The following SOX13 variants were observed in gnomAD, a reference collection of about 807,000 sequenced individuals.
SOX13 encodes transcription factor SOX-13.
In SOX13, 28 loss-of-function variants were observed where a neutral mutation model predicts 71.8. That is an observed-to-expected ratio of 0.39 (90% CI 0.29 to 0.53). The LOEUF (loss-of-function observed/expected upper bound fraction) is 0.53. Ranked by LOEUF, SOX13 falls within the 20% of genes least tolerant of loss-of-function variation. The pLI, the probability that SOX13 is intolerant of heterozygous loss-of-function variation, is 0.70. For missense variants in SOX13, 627 were observed against 810.3 expected (o/e 0.77, Z 2.75); for synonymous variants, 309 against 317.8 (o/e 0.97, Z 0.29).
At chr1:204,114,668 A>T (rs1571588641) in intron 4 of SOX13, 63 bp downstream of exon 4, 1 of 1,303,182 alleles carries the variant, frequency 7.7e-7, no homozygotes, top group East Asian at 2.3e-5. Flanking sequence ...TGGTCTGGCC[A>T]CGCAGCCTGG....
At chr1:204,074,009 G>C (rs896859677) in intron 1 of SOX13, 3 of 151,802 alleles carry the variant, frequency 2.0e-5, no homozygotes, top group African/African-American at 7.3e-5. Context: ...GTACGCGCGC[G>C]CGCGCGCGCG....
intron 1 of SOX13, among the ~76,000 whole-genome samples, chr1:204,095,203 G>A (rs1478004188): frequency 3.3e-5 from 5 of 152,176 alleles, no homozygotes; most frequent in African/African-American, 1.2e-4. Flanking sequence ...CCTTGAAACC[G>A]CCAACTCTAA....
intron 1 of SOX13, among the ~76,000 whole-genome samples, chr1:204,094,709 C>T (rs1277368153): frequency 6.6e-6 from 1 of 152,172 alleles, no homozygotes; most frequent in East Asian, 1.9e-4. Context: ...TTAATCACAC[C>T]GTGGAGCACG....
chr1:204,094,841 G>A (rs1418601677), intron 1 of SOX13, among the ~76,000 whole-genome samples: 2 of 152,218 alleles, frequency 1.3e-5, no homozygotes, highest in Non-Finnish European at 2.9e-5. Flanking sequence ...CTTAGGGCTA[G>A]TGGGATTTTG....
intron 12 of SOX13, 21 bp from the exon 13 acceptor site, chr1:204,124,620 G>T (rs1388628055): frequency 6.3e-7 from 1 of 1,592,358 alleles, no homozygotes; most frequent in Non-Finnish European, 8.5e-7. Context: ...CTGACTGCCT[G>T]CCCCTGGGGG....
In SOX13 at chr1:204,104,483, G is replaced by A. The variant is rs372189959; in HGVS notation, c.-1-8432G>A. Among the ~76,000 whole-genome samples the A allele has an allele frequency of 1.6e-4, 25 of 152,350 alleles. No homozygotes were observed. The East Asian group carries it at 2.9e-3, about 18-fold the overall frequency. ...GAGAAGAATGGCAGGATGTGGCACC[G>A]GGGCACTGTTCTGGGCACCCACGCC... On this transcript the variant is annotated intron_variant, in intron 1 of 13. Coordinates refer to ENST00000367204, the MANE Select transcript of SOX13 (RefSeq NM_005686.3).
chr1:204,090,301 A>G (rs1360932497), intron 1 of SOX13, among the ~76,000 whole-genome samples: 2 of 151,672 alleles, frequency 1.3e-5, no homozygotes, highest in Non-Finnish European at 2.9e-5. Flanking sequence ...AACTATTATT[A>G]TCCTCCACAC....
At chr1:204,080,770 G>C (rs1173276649) in intron 1 of SOX13, among the ~76,000 whole-genome samples, 1 of 152,062 alleles carries the variant, frequency 6.6e-6, no homozygotes, top group South Asian at 2.1e-4. Context: ...GTGCTGTGGG[G>C]GTCCAGGACT....
intron 1 of SOX13, among the ~76,000 whole-genome samples, chr1:204,104,677 A>G (rs946909772): frequency 1.3e-5 from 2 of 152,198 alleles, no homozygotes; most frequent in African/African-American, 4.8e-5. Context: ...AGTGGGAGCC[A>G]GCAGTGGAGG....
chr1:204,125,844 T>C lies in SOX13; in HGVS notation c.1593-14T>C. 6.2e-7 allele frequency: 1 copy of C among 1,604,060 alleles called. No homozygotes were observed. ...AGTGTGCATCCATCACCGTTCCCCT[T>C]CTCTGCCCCACAGCCCGCAGGCTGG... On this transcript the variant is annotated splice_polypyrimidine_tract_variant and intron_variant, in intron 13 of 13. Coordinates refer to ENST00000367204, the MANE Select transcript of SOX13 (RefSeq NM_005686.3).
intron 1 of SOX13, among the ~76,000 whole-genome samples, chr1:204,075,256 C>A (rs1655763053): frequency 6.6e-6 from 1 of 152,352 alleles, no homozygotes; most frequent in East Asian, 1.9e-4. Context: ...TGTCTCCCTG[C>A]CTACCGCGGT....
chr1:204,122,179 C>T, intron 8 of SOX13, 58 bp from the exon 9 acceptor site: 2 of 1,414,728 alleles, frequency 1.4e-6, no homozygotes, highest in East Asian at 2.5e-5. Flanking sequence ...CCTCTCTGTC[C>T]TGCTGTGGGA....
chr1:204,104,917 C>T (rs560252740), intron 1 of SOX13, among the ~76,000 whole-genome samples: 30 of 152,192 alleles, frequency 2.0e-4, no homozygotes, highest in African/African-American at 7.0e-4. Context: ...TCCAATCCAA[C>T]AGGGTCAGTT....
At position 204,116,438 on chromosome 1, in the gene SOX13, G is replaced by A. The variant is rs915228391; in HGVS notation, c.419-69G>A. On this transcript the variant is annotated intron_variant, in intron 4 of 13. Transcript: ENST00000367204. ...CTCAATAAGTTTCTGATGGATGGGT[G>A]GATAGATGGATGGATGTATAGATGA... is the stretch of plus-strand genomic sequence containing the variant. 14 of 1,612,736 alleles carry A rather than the reference G, an allele frequency of 8.7e-6. No individual in the cohort carries two copies. The African/African-American group carries it at 1.7e-4, about 20-fold the overall frequency.
Position 204,121,898 on chromosome 1 carries a change from A to C in SOX13, c.776-2A>C. ...CTTTTCTCCTTGCTGCCTTTTCCATAGTGGAGTATCCGCTGCAGCTGCTGC... is the reference window on the plus strand; with the variant it reads ...CTTTTCTCCTTGCTGCCTTTTCCATCGTGGAGTATCCGCTGCAGCTGCTGC... On this transcript the variant is annotated splice_acceptor_variant, in intron 7 of 13. Transcript: ENST00000367204. LOFTEE classifies it high-confidence loss of function. 1 of 1,609,000 alleles carries C rather than the reference A, an allele frequency of 6.2e-7. No homozygotes were observed. The highest frequency in any genetic ancestry group is 8.5e-7 in the Non-Finnish European group (1 of 1,175,622).
intron 1 of SOX13, among the ~76,000 whole-genome samples, chr1:204,111,444 T>TCC (rs1316197984): frequency 1.3e-5 from 2 of 152,108 alleles, no homozygotes; most frequent in Non-Finnish European, 2.9e-5. Context: ...CATCTGCTGC[T>TCC]CCGCCCAAGC....
chr1:204,093,285 T>C (rs1349844313), intron 1 of SOX13, among the ~76,000 whole-genome samples: 4 of 152,230 alleles, frequency 2.6e-5, no homozygotes, highest in Non-Finnish European at 5.9e-5. Context: ...TCTTCCCACC[T>C]TAACTGGTTA....
chr1:204,084,049 T>C (rs975934375), intron 1 of SOX13, among the ~76,000 whole-genome samples: 1 of 152,216 alleles, frequency 6.6e-6, no homozygotes, highest in African/African-American at 2.4e-5. Context: ...CAGATGGTCC[T>C]ATTCCTCACT....
At chr1:204,095,749 A>G (rs932412969) in intron 1 of SOX13, among the ~76,000 whole-genome samples, 10 of 152,186 alleles carry the variant, frequency 6.6e-5, no homozygotes, top group Non-Finnish European at 1.2e-4. Context: ...TTGTTTTGCA[A>G]CCATCACCAC....
Sources: allele counts gnomAD v4.1 joint callset (sites outside exome capture counted in the v4.1 genomes callset), GRCh38; gene constraint gnomAD v4.1.1; transcripts MANE v1.5; gene names NCBI Gene and HGNC (gene_info 2026-07-23, HGNC 2026-07-21).